Variants in DUSP26 observed in about 807,000 individuals in gnomAD.
DUSP26 encodes dual specificity phosphatase 26, also known as dual specificity protein phosphatase 26.
DUSP26 carries 12 observed loss-of-function variants against 20.0 expected under a neutral mutation model. The ratio of observed to expected loss-of-function variants is 0.60; its 90% CI spans 0.38 to 0.97. DUSP26 has a LOEUF of 0.97. Among genes scored for constraint, DUSP26 ranks in the 50% least tolerant of loss-of-function variants. DUSP26 has a pLI of 0.00. For missense variants in DUSP26, 230 were observed against 294.0 expected, an observed-to-expected ratio of 0.78 and a Z score of 1.59; for synonymous variants, 120 against 118.8, an observed-to-expected ratio of 1.01 and a Z score of -0.06.
chr8:33,597,233 C>A (rs1159602460), intron 2 of DUSP26, 62 bp downstream of exon 2: 5 of 1,478,058 alleles, frequency 3.4e-6, no homozygotes, highest in Non-Finnish European at 3.7e-6. Context: ...CCACCCTTCT[C>A]CTTTCTTACA....
Position 33,597,550 on chromosome 8 carries a change from G to T in DUSP26, c.-35C>A. On this transcript the variant is annotated 5_prime_UTR_variant, in exon 2 of 4. Transcript: ENST00000256261. ...GGCAGAAACCGTGGCAGCTGCAGGA[G>T]TGGCTGTGGTGATGATGGGTTCAGT... 1 of 1,569,512 alleles carries T rather than the reference G, an allele frequency of 6.4e-7. No individual in the cohort carries two copies.
chr8:33,598,922 C>T (rs1416045829), intron 1 of DUSP26, among the ~76,000 whole-genome samples: 3 of 152,146 alleles, frequency 2.0e-5, no homozygotes, highest in Non-Finnish European at 4.4e-5. Flanking sequence ...ATGCTCTGTC[C>T]CCATCTCACA....
Position 33,591,418 on chromosome 8 carries a change from A to T in DUSP26, c.*595T>A, listed in dbSNP as rs116850268. 358 of 152,858 alleles carry T rather than the reference A, an allele frequency of 2.3e-3. 1 individual carries two copies. Among genetic ancestry groups the T allele is most frequent in the Non-Finnish European group, 2.7e-3 (183 of 68,172 alleles). 9.5% of individuals were successfully genotyped at this position (152,858 alleles called of 1,614,324 possible). On this transcript the variant is annotated 3_prime_UTR_variant, in exon 4 of 4. Transcript: ENST00000256261. Reference sequence around the variant, plus strand: ...AAGACTGCCAGCCATGCACCTCTGTATGTTTTTGGCCCAAGCAGCAGCCGT... The same window carrying T: ...AAGACTGCCAGCCATGCACCTCTGTTTGTTTTTGGCCCAAGCAGCAGCCGT...
At chr8:33,593,889 T>TGCAGTGGTGCGATCTCG in intron 2 of DUSP26, 142 bp from the exon 3 acceptor site, 1 of 941,200 alleles carries the variant, frequency 1.1e-6, no homozygotes, top group Non-Finnish European at 1.6e-6. Context: ...TAGGCCAGAG[T>TGCAGTGGTGCGATCTCG]GCTCACTGCC....
At position 33,591,877 on chromosome 8, in the gene DUSP26, T is replaced by G. The variant is rs953932918; in HGVS notation, c.*136A>C. 49 of 989,548 alleles carry G rather than the reference T, an allele frequency of 5.0e-5. No homozygotes were observed. In the African/African-American group the frequency reaches 7.6e-4, roughly 15 times the overall value. The allele number at this position is 989,548 out of a possible 1,614,324, so 61.3% of individuals were successfully genotyped here. A position where few individuals can be genotyped will look rare whatever the true frequency, so the allele number is the denominator to read the frequency against. On this transcript the variant is annotated 3_prime_UTR_variant, in exon 4 of 4. Transcript: ENST00000256261. ...CCTCCCACAAAGAGTGACAGTGGCC[T>G]GGGGCTCGGCCTCTCCTGACCCCAG...
In DUSP26 at chr8:33,593,758, T is replaced by C; in HGVS notation, c.222-11A>G. On this transcript the variant is annotated splice_polypyrimidine_tract_variant and intron_variant, in intron 2 of 3. Transcript: ENST00000256261. Reference sequence around the variant, plus strand: ...TTGTTAGCCATGTCCCTGCATTGAGTAGAGGTTAGAGGAAGGGTGGGAAAG... The same window carrying C: ...TTGTTAGCCATGTCCCTGCATTGAGCAGAGGTTAGAGGAAGGGTGGGAAAG... The C allele has an allele frequency of 1.2e-6, 2 of 1,609,746 alleles. No homozygotes were observed. Among genetic ancestry groups the C allele is most frequent in the Non-Finnish European group, 1.7e-6 (2 of 1,176,328 alleles).
In DUSP26 at chr8:33,597,557, T is replaced by C; in HGVS notation, c.-42A>G. On this transcript the variant is annotated 5_prime_UTR_variant, in exon 2 of 4. Transcript: ENST00000256261. ...ACCGTGGCAGCTGCAGGAGTGGCTGTGGTGATGATGGGTTCAGTTGCCAGG... is the reference window on the plus strand; with the variant it reads ...ACCGTGGCAGCTGCAGGAGTGGCTGCGGTGATGATGGGTTCAGTTGCCAGG... 2 of 1,550,382 alleles carry C rather than the reference T, an allele frequency of 1.3e-6. No homozygotes were observed. Among genetic ancestry groups the C allele is most frequent in the Non-Finnish European group, 1.7e-6 (2 of 1,143,158 alleles).
chr8:33,593,435 T>C, intron 3 of DUSP26, 98 bp downstream of exon 3: 1 of 1,349,930 alleles, frequency 7.4e-7, no homozygotes, highest in Non-Finnish European at 1.0e-6. Context: ...CCTGAGCATT[T>C]TGTCATGTCA....
At position 33,599,720 on chromosome 8, in the gene DUSP26, C is replaced by T. The variant is rs1465823124; in HGVS notation, c.-132G>A. Reference sequence around the variant, plus strand: ...CCGAAAGGCGGATCGCCGGCGCAGACAGCGCCACGGCCATGACGCTCCTGC... The same window carrying T: ...CCGAAAGGCGGATCGCCGGCGCAGATAGCGCCACGGCCATGACGCTCCTGC... On this transcript the variant is annotated 5_prime_UTR_variant, in exon 1 of 4. Transcript: ENST00000256261. 1 of 152,334 alleles carries T rather than the reference C, an allele frequency of 6.6e-6. No individual in the cohort carries two copies. Among genetic ancestry groups the T allele is most frequent in the African/African-American group, 2.4e-5 (1 of 41,478 alleles). The allele number at this position is 152,334 out of a possible 1,614,324, so 9.4% of individuals were successfully genotyped here.
Position 33,592,176 on chromosome 8 carries a change from C to G in DUSP26, c.473G>C (p.Arg158Pro). Reference sequence around the variant, plus strand: ...GTAGGCCAGTACCAGGGTGGCGGATCGGCTCACGCCCACAGCACAATGCAC... The same window carrying G: ...GTAGGCCAGTACCAGGGTGGCGGATGGGCTCACGCCCACAGCACAATGCAC... ...ILVHCAVGVSRSATLVLAYLM... is the reference protein window; with the variant it reads ...ILVHCAVGVSPSATLVLAYLM... The change falls in exon 4 of 4, where the codon CGA becomes CCA. Residue 158 changes from arginine to proline, a missense_variant. Transcript: ENST00000256261. 1 of 1,613,442 alleles carries G rather than the reference C, an allele frequency of 6.2e-7. No individual in the cohort carries two copies. Among genetic ancestry groups the G allele is most frequent in the Non-Finnish European group, 8.5e-7 (1 of 1,179,760 alleles).
chr8:33,597,436 C>G lies in DUSP26; in HGVS notation c.80G>C (p.Arg27Pro), dbSNP rs200165319. The change falls in exon 2 of 4, where the codon CGA (arginine) becomes CCA (proline). Residue 27 changes from arginine (R) to proline (P), a missense_variant. Physicochemically the swap from Arg to Pro is moderately radical, Grantham distance 103. Coordinates refer to ENST00000256261, the MANE Select transcript of DUSP26 (RefSeq NM_024025.3). ...FSRSSSRSPV[R>P]TRGTLEEMPT... ...CATCTCCTCCAGGGTCCCTCGAGTT[C>G]GAACAGGAGACCTTGAGCTACTCCG... The G allele has an allele frequency of 1.2e-6, 2 of 1,614,074 alleles. No individual in the cohort carries two copies. Among genetic ancestry groups the G allele is most frequent in the East Asian group, 2.2e-5 (1 of 44,864 alleles).
At chr8:33,593,837 T>C in intron 2 of DUSP26, 90 bp from the exon 3 acceptor site, 1 of 1,444,196 alleles carries the variant, frequency 6.9e-7, no homozygotes, top group Non-Finnish European at 9.5e-7. Context: ...TCCTGAATCC[T>C]ATTGTTGATT....
Position 33,593,630 on chromosome 8 carries a change from G to A in DUSP26, c.339C>T (p.Tyr113=). 1 of 1,614,190 alleles carries A rather than the reference G, an allele frequency of 6.2e-7. No individual in the cohort carries two copies. Among genetic ancestry groups the A allele is most frequent in the Non-Finnish European group, 8.5e-7 (1 of 1,180,032 alleles). The part of the protein sequence containing the change: ...PEAYEGLGIR[Y]LGVEAHDSPA... The stretch of plus-strand genomic sequence containing the variant: ...GCGAGTCGTGGGCCTCAACACCCAG[G>A]TAGCGGATGCCCAGCCCCTCATAGG... The change falls in exon 3 of 4, where the codon TAC becomes TAT. Residue 113 remains tyrosine, a synonymous_variant. Coordinates refer to ENST00000256261, the MANE Select transcript of DUSP26 (RefSeq NM_024025.3).
chr8:33,597,681 G>T (rs768662266), intron 1 of DUSP26, 90 bp from the exon 2 acceptor site: 24 of 611,250 alleles, frequency 3.9e-5, no homozygotes, highest in Non-Finnish European at 6.1e-5. Context: ...GAAGATTCTC[G>T]AGGGAGAGAA....
In DUSP26 at chr8:33,597,457, C is replaced by A; in HGVS notation, c.59G>T (p.Ser20Ile). Reference sequence around the variant, plus strand: ...AGTTCGAACAGGAGACCTTGAGCTACTCCGGGAGAAGCGGGCCATAAAAGT... The same window carrying A: ...AGTTCGAACAGGAGACCTTGAGCTAATCCGGGAGAAGCGGGCCATAAAAGT... ...SMTFMARFSR[S>I]SSRSPVRTRG... Residue 20 changes from serine (S) to isoleucine (I), a missense_variant, in exon 2 of 4, where the codon AGT becomes ATT. Physicochemically the swap from Ser to Ile is moderately radical, Grantham distance 142. Coordinates refer to ENST00000256261, the MANE Select transcript of DUSP26 (RefSeq NM_024025.3). 1 of 1,614,116 alleles carries A rather than the reference C, an allele frequency of 6.2e-7. No individual in the cohort carries two copies. The highest frequency in any genetic ancestry group is 8.5e-7 in the Non-Finnish European group (1 of 1,180,014).
intron 2 of DUSP26, among the ~76,000 whole-genome samples, chr8:33,595,959 G>A (rs1811134475): frequency 6.6e-6 from 1 of 152,154 alleles, no homozygotes; most frequent in Admixed American, 6.5e-5. Context: ...CAGGGCTGTT[G>A]TGAAGATTAA....
At chr8:33,593,229 G>A (rs977554426) in intron 3 of DUSP26, among the ~76,000 whole-genome samples, 1 of 152,080 alleles carries the variant, frequency 6.6e-6, no homozygotes, top group African/African-American at 2.4e-5. Context: ...CTGAGATCAC[G>A]TCACTGCACT....
rs774610495 is a variant in DUSP26 at position 33,593,624 on chromosome 8, A to C, written c.345T>G (p.Gly115=). Residue 115 remains glycine, a synonymous_variant, in exon 3 of 4, where the codon GGT becomes GGG. Coordinates refer to ENST00000256261, the MANE Select transcript of DUSP26 (RefSeq NM_024025.3). ...AGGCTGGCGAGTCGTGGGCCTCAAC[A>C]CCCAGGTAGCGGATGCCCAGCCCCT... ...AYEGLGIRYL[G]VEAHDSPAFD... is the part of the protein sequence containing the mutation. 4 of 1,614,048 alleles carry C rather than the reference A, an allele frequency of 2.5e-6. No individual in the cohort carries two copies. The South Asian group carries it at 3.3e-5, about 13-fold the overall frequency.
At chr8:33,597,170 C>T in intron 2 of DUSP26, 125 bp downstream of exon 2, 1 of 970,042 alleles carries the variant, frequency 1.0e-6, no homozygotes, top group Non-Finnish European at 1.5e-6. Flanking sequence ...CCCATGTGCC[C>T]TATCCCCTCA....
Sources: allele counts gnomAD v4.1 joint callset (sites outside exome capture counted in the v4.1 genomes callset), GRCh38; gene constraint gnomAD v4.1.1; transcripts MANE v1.5; gene names NCBI Gene and HGNC (gene_info 2026-07-23, HGNC 2026-07-21).